The following MAPK10 variants were observed in gnomAD, a reference collection of about 807,000 sequenced individuals.
MAPK10 encodes the protein mitogen-activated protein kinase 10.
MAPK10 carries 25 observed loss-of-function variants against 59.3 expected under a neutral mutation model. The observed-to-expected ratio is 0.42, with a 90% confidence interval of 0.31 to 0.59. The LOEUF (loss-of-function observed/expected upper bound fraction) is 0.59. Among genes scored for constraint, MAPK10 ranks in the 20% least tolerant of loss-of-function variants. MAPK10 has a pLI of 0.15. For synonymous variants in MAPK10, 190 were observed against 200.5 expected, an observed-to-expected ratio of 0.95 and a Z score of 0.44; for missense variants, 351 against 568.9, an observed-to-expected ratio of 0.62 and a Z score of 3.90.
At chr4:86,178,767 C>G (rs111882463) in intron 3 of MAPK10, among the ~76,000 whole-genome samples, 5,972 of 152,184 alleles carry the variant, frequency 0.039, 170 homozygotes, top group Non-Finnish European at 0.065. Flanking sequence ...ATGGCATGAA[C>G]TCATATATAG....
chr4:86,076,732 C>A (rs1258230145), intron 9 of MAPK10, among the ~76,000 whole-genome samples: 3 of 152,010 alleles, frequency 2.0e-5, no homozygotes, highest in African/African-American at 7.3e-5. Flanking sequence ...CAGATTTCCA[C>A]AAGGATTACA....
intron 10 of MAPK10, among the ~76,000 whole-genome samples, chr4:86,066,026 T>G (rs1025166553): frequency 1.3e-5 from 2 of 152,194 alleles, no homozygotes; most frequent in African/African-American, 4.8e-5. Context: ...GTGCCGTTCA[T>G]GTATTTTTCA....
Position 86,071,803 on chromosome 4 carries a change from T to G in MAPK10, c.803-3848A>C, listed in dbSNP as rs950463407. On this transcript the variant is annotated intron_variant, in intron 9 of 13. Coordinates refer to ENST00000641462, the MANE Select transcript of MAPK10 (RefSeq NM_138982.4). The stretch of plus-strand genomic sequence containing the variant: ...TGTTTTGGTTACTGTAGCCTTGTAG[T>G]ATAGTTTGAAGTCAGGTAGTGTGAT... Among the ~76,000 whole-genome samples the G allele has an allele frequency of 2.7e-5, 4 of 150,276 alleles. No individual in the cohort carries two copies. In the East Asian group the frequency reaches 5.9e-4, roughly 22 times the overall value.
intron 2 of MAPK10, among the ~76,000 whole-genome samples, chr4:86,285,533 A>G (rs545292156): frequency 1.3e-4 from 20 of 152,118 alleles, no homozygotes; most frequent in African/African-American, 4.8e-4. Flanking sequence ...CACTTCTAAG[A>G]TGTCTTTCTA....
intron 1 of MAPK10, among the ~76,000 whole-genome samples, chr4:86,397,646 A>C (rs867920335): frequency 2.0e-5 from 3 of 151,782 alleles, no homozygotes; most frequent in South Asian, 2.1e-4. Flanking sequence ...GATTGACTCC[A>C]CCTACCATTT....
At chr4:86,409,992 G>A (rs1744919340) in intron 1 of MAPK10, among the ~76,000 whole-genome samples, 1 of 152,158 alleles carries the variant, frequency 6.6e-6, no homozygotes, top group African/African-American at 2.4e-5. Flanking sequence ...TTTTCAAAGG[G>A]AATACTTCCA....
At chr4:86,143,993 A>G (rs889561481) in intron 4 of MAPK10, among the ~76,000 whole-genome samples, 1 of 152,218 alleles carries the variant, frequency 6.6e-6, no homozygotes, top group Non-Finnish European at 1.5e-5. Context: ...CATAGTTTCA[A>G]TTAATCATAC....
At chr4:86,455,505 A>G (rs781713390), upstream of MAPK10, among the ~76,000 whole-genome samples, 23 of 152,342 alleles carry the variant, frequency 1.5e-4, no homozygotes, top group Non-Finnish European at 2.8e-4. Flanking sequence ...AGGGGTAGCT[A>G]TTCTTATATC....
chr4:86,549,599 G>C (rs552747176), intron 1 of MAPK10, among the ~76,000 whole-genome samples: 2 of 152,138 alleles, frequency 1.3e-5, no homozygotes, highest in African/African-American at 4.8e-5. Context: ...GAAGGCTTAG[G>C]GCATTACTGT....
intron 2 of MAPK10, among the ~76,000 whole-genome samples, chr4:86,285,941 C>T (rs1400654190): frequency 6.6e-6 from 1 of 152,198 alleles, no homozygotes; most frequent in Non-Finnish European, 1.5e-5. Context: ...CCGCCTTCTT[C>T]TGCATTTGTG....
intron 3 of MAPK10, among the ~76,000 whole-genome samples, chr4:86,169,877 C>T (rs1233549790): frequency 6.6e-6 from 1 of 151,900 alleles, no homozygotes. Flanking sequence ...CGGCAGAAAC[C>T]CTACAAGCCA....
intron 2 of MAPK10, among the ~76,000 whole-genome samples, chr4:86,298,206 T>C (rs749325924): frequency 5.3e-5 from 8 of 152,146 alleles, no homozygotes; most frequent in Non-Finnish European, 1.2e-4. Flanking sequence ...TCACACTCTA[T>C]TACAATTTCC....
At chr4:86,049,055 G>A (rs2043035780) in intron 11 of MAPK10, among the ~76,000 whole-genome samples, 1 of 152,008 alleles carries the variant, frequency 6.6e-6, no homozygotes, top group African/African-American at 2.4e-5. Flanking sequence ...AAGCATTTGT[G>A]TACCACATTT....
At chr4:86,542,881 G>T (rs1651155769) in intron 1 of MAPK10, among the ~76,000 whole-genome samples, 1 of 152,072 alleles carries the variant, frequency 6.6e-6, no homozygotes, top group Non-Finnish European at 1.5e-5. Context: ...ACCTAGCATT[G>T]CCTGTCACCA....
intron 2 of MAPK10, among the ~76,000 whole-genome samples, chr4:86,313,932 A>G (rs1245613587): frequency 6.6e-6 from 1 of 152,134 alleles, no homozygotes; most frequent in African/African-American, 2.4e-5. Flanking sequence ...GAAGCAACAC[A>G]TATGTTTATC....
At chr4:86,181,255 C>T (rs137972045) in intron 3 of MAPK10, among the ~76,000 whole-genome samples, 75 of 151,918 alleles carry the variant, frequency 4.9e-4, no homozygotes, top group African/African-American at 1.5e-3. Flanking sequence ...AATCAGTCAA[C>T]GAGTAGATAA....
chr4:86,229,820 CT>C lies in MAPK10; in HGVS notation c.-6-35414del, dbSNP rs200415850. Among the ~76,000 whole-genome samples the C allele has an allele frequency of 7.4e-3, 1,132 of 152,002 alleles. 14 individuals are homozygous for C. Among genetic ancestry groups the C allele is most frequent in the African/African-American group, 0.026 (1,069 of 41,442 alleles). ...CCTATAACCACGGCACTTTGTGAAG[CT>C]GAGGAGAGAGGATTACTTGAGCCCA... On this transcript the variant is annotated intron_variant, in intron 2 of 13. Coordinates refer to ENST00000641462, the MANE Select transcript of MAPK10 (RefSeq NM_138982.4).
chr4:86,365,165 C>T (rs1737635841), intron 1 of MAPK10, among the ~76,000 whole-genome samples: 1 of 151,864 alleles, frequency 6.6e-6, no homozygotes, highest in African/African-American at 2.4e-5. Context: ...AACATCTCAC[C>T]TTGGCCAGGT....
intron 1 of MAPK10, among the ~76,000 whole-genome samples, chr4:86,405,040 C>T (rs990039033): frequency 1.4e-4 from 21 of 152,254 alleles, no homozygotes; most frequent in Non-Finnish European, 2.6e-4. Context: ...ACACATACTG[C>T]GCACTCTATA....
Sources: gnomAD v4.1 joint callset for allele counts (sites outside exome capture counted in the v4.1 genomes callset) on GRCh38, gnomAD v4.1.1 for gene constraint, MANE v1.5 for transcripts, NCBI Gene and HGNC (gene_info 2026-07-23, HGNC 2026-07-21) for gene names.